The following DNAH3 variants were observed in gnomAD, a reference collection of about 807,000 sequenced individuals.
DNAH3 encodes dynein axonemal heavy chain 3.
In DNAH3, 332 loss-of-function variants were observed where a neutral mutation model predicts 432.5. That is an observed-to-expected ratio of 0.77 (90% CI 0.70 to 0.84). The LOEUF (loss-of-function observed/expected upper bound fraction) is 0.84. Among genes scored for constraint, DNAH3 ranks in the 40% least tolerant of loss-of-function variants. The probability of loss-of-function intolerance (pLI) is 0.00; values close to 1 mark genes in which losing one functional copy is unlikely to be tolerated. For synonymous variants in DNAH3, 1,956 were observed against 1,900.2 expected (o/e 1.03, Z -0.76); for missense variants, 4,861 against 5,114.0 (o/e 0.95, Z 1.51).
intron 19 of DNAH3, among the ~76,000 whole-genome samples, chr16:21,082,358 C>A (rs1022809541): frequency 6.6e-6 from 1 of 152,122 alleles, no homozygotes; most frequent in African/African-American, 2.4e-5. Context: ...GCCTGGCTAA[C>A]CTTTTTCTTT....
intron 37 of DNAH3, 94 bp from the exon 38 acceptor site, chr16:21,027,221 C>CA: frequency 1.1e-6 from 1 of 871,516 alleles, no homozygotes; most frequent in Non-Finnish European, 1.9e-6. Context: ...TGGTTTGATT[C>CA]ATTCCATAAA....
At chr16:21,103,354 T>TGTG (rs2091879934) in intron 16 of DNAH3, among the ~76,000 whole-genome samples, 2 of 67,684 alleles carry the variant, frequency 3.0e-5, no homozygotes, top group East Asian at 4.7e-4. Flanking sequence ...GGTGTGTGTG[T>TGTG]GGGGGGGGGC....
At chr16:20,988,209 CCTGCAGCAAATT>C (rs2086307328) in intron 44 of DNAH3, 144 bp from the exon 45 acceptor site, 1 of 879,060 alleles carries the variant, frequency 1.1e-6, no homozygotes, top group African/African-American at 1.7e-5. Flanking sequence ...CCTCTAGCCA[CCTGCAGCAAATT>C]TAAACTTAAA....
intron 40 of DNAH3, 53 bp from the exon 41 acceptor site, chr16:21,019,922 A>C: frequency 6.3e-7 from 1 of 1,592,670 alleles, no homozygotes; most frequent in Non-Finnish European, 8.6e-7. Context: ...CCACAGATGT[A>C]AGGGCTGTGA....
At chr16:20,975,464 C>T in intron 50 of DNAH3, 49 bp from the exon 51 acceptor site, 2 of 1,545,886 alleles carry the variant, frequency 1.3e-6, no homozygotes, top group Non-Finnish European at 1.8e-6. Context: ...CTGAAAATGG[C>T]AAAGTAGACA....
chr16:21,125,520 T>C, intron 8 of DNAH3, 150 bp from the exon 10 acceptor site: 3 of 522,796 alleles, frequency 5.7e-6, no homozygotes, highest in South Asian at 4.2e-5. Flanking sequence ...TCCAGCCACC[T>C]TACCTGCCAT....
At chr16:20,953,901 T>C (rs538721652) in intron 55 of DNAH3, among the ~76,000 whole-genome samples, 1 of 152,202 alleles carries the variant, frequency 6.6e-6, no homozygotes, top group South Asian at 2.1e-4. Context: ...TGCACCATTG[T>C]GCCTGGCATG....
chr16:21,152,664 G>C (rs2092866687), intron 1 of DNAH3, among the ~76,000 whole-genome samples: 1 of 152,370 alleles, frequency 6.6e-6, no homozygotes, highest in African/African-American at 2.4e-5. Context: ...CCGGGTGGGC[G>C]TGGGCTTGGC....
chr16:21,011,643 G>A (rs1025259432), intron 41 of DNAH3, among the ~76,000 whole-genome samples: 2 of 152,032 alleles, frequency 1.3e-5, no homozygotes, highest in Non-Finnish European at 2.9e-5. Flanking sequence ...TTACAGGGGC[G>A]AGCCACCGTG....
chr16:21,050,158 A>T, intron 29 of DNAH3, 140 bp from the exon 30 acceptor site: 1 of 641,884 alleles, frequency 1.6e-6, no homozygotes, highest in Non-Finnish European at 2.7e-6. Flanking sequence ...AGTAATGCTA[A>T]AAGCCGCGAT....
chr16:20,988,240 T>C (rs1360980927), intron 44 of DNAH3, among the ~76,000 whole-genome samples, 175 bp from the exon 45 acceptor site: 2 of 152,180 alleles, frequency 1.3e-5, no homozygotes, highest in Non-Finnish European at 2.9e-5. Context: ...AATTAATTAA[T>C]ATTAAATAAC....
chr16:20,993,117 C>T (rs1275758758), intron 44 of DNAH3, among the ~76,000 whole-genome samples: 2 of 152,074 alleles, frequency 1.3e-5, no homozygotes, highest in African/African-American at 4.8e-5. Context: ...CCACCCTCCT[C>T]GGCCTCCCAA....
At chr16:21,134,368 C>A in exon 7 of DNAH3, 1 of 1,614,176 alleles carries the variant, frequency 6.2e-7, no homozygotes, top group Non-Finnish European at 8.5e-7. Context: ...GGCACAGGGG[C>A]CCGGATCACT....
intron 43 of DNAH3, 146 bp downstream of exon 43, chr16:21,000,078 T>A: frequency 1.4e-6 from 1 of 737,208 alleles, no homozygotes; most frequent in Non-Finnish European, 2.0e-6. Context: ...GAGGAGAGAA[T>A]GAATACTAAG....
exon 22 of DNAH3, chr16:21,070,714 C>A (rs1445023554): frequency 6.2e-7 from 1 of 1,602,306 alleles, no homozygotes; most frequent in African/African-American, 1.3e-5. Context: ...TCTTACCCGG[C>A]ATTCTGCTTC....
rs550476258 is a variant in DNAH3 at position 21,157,923 on chromosome 16, G to GGC, written c.117+1400_117+1401dup. ...TGAGACACAACTGGAGGTGGGGGGGGGCGGTTCTTGTAACTGGCATCTAAT... is the reference window on the plus strand; with the variant it reads ...TGAGACACAACTGGAGGTGGGGGGGGGCGCGGTTCTTGTAACTGGCATCTAAT... On this transcript the variant is annotated intron_variant, in intron 1 of 61. Transcript: ENST00000261383. Among the ~76,000 whole-genome samples the GGC allele has an allele frequency of 3.3e-4, 50 of 151,540 alleles. 1 individual carries two copies. The East Asian group carries it at 5.4e-3, about 16-fold the overall frequency.
At chr16:20,974,474 G>A (rs1270697695) in intron 51 of DNAH3, among the ~76,000 whole-genome samples, 1 of 150,910 alleles carries the variant, frequency 6.6e-6, no homozygotes, top group Non-Finnish European at 1.5e-5. Flanking sequence ...CACGATCCTA[G>A]TTCACTACAG....
At chr16:21,037,925 G>C (rs201881860) in exon 34 of DNAH3, 1 of 1,614,198 alleles carries the variant, frequency 6.2e-7, no homozygotes, top group Non-Finnish European at 8.5e-7. Flanking sequence ...TAGTGATGCT[G>C]AGAGGACAGT....
chr16:21,128,878 AAAAAAAG>A lies in DNAH3; in HGVS notation c.1083-1073_1083-1067del, dbSNP rs202029254. Among the ~76,000 whole-genome samples, 246 of 142,004 alleles carry A rather than the reference AAAAAAAG, an allele frequency of 1.7e-3. 2 individuals carry two copies. The highest frequency in any genetic ancestry group is 6.1e-3 in the East Asian group (29 of 4,768). The allele number at this position is 142,004 out of a possible 152,430, so 93.2% of individuals were successfully genotyped here. A position where few individuals can be genotyped will look rare whatever the true frequency, so the allele number is the denominator to read the frequency against. ...TGTCTCTACAAAGAAAAAAAAAAAA[AAAAAAAG>A]CTTGTGGAGCCAAAAAAGCCTCTTT... On this transcript the variant is annotated intron_variant, in intron 7 of 61. Coordinates refer to ENST00000261383, the Ensembl canonical transcript of DNAH3.
Sources: gnomAD v4.1 joint callset for allele counts (sites outside exome capture counted in the v4.1 genomes callset) on GRCh38, gnomAD v4.1.1 for gene constraint, MANE v1.5 for transcripts, NCBI Gene and HGNC (gene_info 2026-07-23, HGNC 2026-07-21) for gene names.